The following VPS13B variants were observed in gnomAD, a reference collection of about 807,000 sequenced individuals.
VPS13B encodes the protein vacuolar protein sorting 13 homolog B.
Under a neutral mutation model 426.4 loss-of-function variants are expected in VPS13B, and 285 were observed. That is an observed-to-expected ratio of 0.67 (90% CI 0.61 to 0.74). The LOEUF (loss-of-function observed/expected upper bound fraction) is 0.74, where lower values mean the gene tolerates loss of function less well. VPS13B is among the 30% of genes least tolerant of loss of function. The pLI, the probability that VPS13B is intolerant of heterozygous loss-of-function variation, is 0.00. For synonymous variants in VPS13B, 1,676 were observed against 1,676.4 expected (o/e 1.00, Z 0.01); for missense variants, 4,537 against 4,782.6 (o/e 0.95, Z 1.51).
intron 19 of VPS13B, among the ~76,000 whole-genome samples, chr8:99,333,887 G>A (rs956060780): frequency 3.3e-5 from 5 of 151,978 alleles, no homozygotes; most frequent in Admixed American, 3.3e-4. Context: ...TTTGTCTTGT[G>A]TATATCGGTA....
intron 17 of VPS13B, among the ~76,000 whole-genome samples, chr8:99,245,865 G>GA (rs1178454694): frequency 6.6e-6 from 1 of 152,118 alleles, no homozygotes; most frequent in African/African-American, 2.4e-5. Flanking sequence ...TTTGAGTATA[G>GA]ACAAAGCGGT....
intron 17 of VPS13B, chr8:99,233,822 A>G: frequency 1.3e-6 from 1 of 778,638 alleles, no homozygotes. Flanking sequence ...TTTCAGAGGA[A>G]TCTCTTCGGC....
At chr8:99,287,696 C>A (rs1819521325) in intron 19 of VPS13B, among the ~76,000 whole-genome samples, 1 of 151,720 alleles carries the variant, frequency 6.6e-6, no homozygotes, top group Admixed American at 6.6e-5. Flanking sequence ...AAGTAAGAAG[C>A]ACAAATGATC....
intron 33 of VPS13B, among the ~76,000 whole-genome samples, chr8:99,632,646 G>A (rs747124696): frequency 3.9e-5 from 6 of 151,940 alleles, no homozygotes; most frequent in East Asian, 1.9e-4. Flanking sequence ...GAAGAACAAA[G>A]TATTTGTAAT....
At chr8:99,565,230 T>G (rs1363894367) in intron 31 of VPS13B, among the ~76,000 whole-genome samples, 3 of 152,194 alleles carry the variant, frequency 2.0e-5, no homozygotes, top group African/African-American at 7.2e-5. Flanking sequence ...ATACTTTTAT[T>G]TCTTCCTATC....
chr8:99,493,974 A>G (rs937529064), intron 25 of VPS13B, among the ~76,000 whole-genome samples: 23 of 152,068 alleles, frequency 1.5e-4, no homozygotes, highest in African/African-American at 5.1e-4. Context: ...ATGTATTGAT[A>G]AAATAATACT....
chr8:99,264,723 T>G (rs1460894987), intron 17 of VPS13B, among the ~76,000 whole-genome samples: 3 of 152,202 alleles, frequency 2.0e-5, no homozygotes, highest in Non-Finnish European at 4.4e-5. Flanking sequence ...ATGTGTGTGT[T>G]TTTTTCATTT....
At chr8:99,312,426 CA>C (rs1374229297) in intron 19 of VPS13B, among the ~76,000 whole-genome samples, 35 of 152,260 alleles carry the variant, frequency 2.3e-4, no homozygotes, top group Admixed American at 3.9e-4. Flanking sequence ...CTTCACTTAT[CA>C]AGCTTAGTTT....
chr8:99,386,988 A>G (rs1814159854), intron 20 of VPS13B, among the ~76,000 whole-genome samples: 1 of 152,162 alleles, frequency 6.6e-6, no homozygotes, highest in Non-Finnish European at 1.5e-5. Flanking sequence ...TAAGAATAAA[A>G]GGTAAACTAA....
chr8:99,018,651 A>T lies in VPS13B; in HGVS notation c.147+4716A>T, dbSNP rs530212980. Among the ~76,000 whole-genome samples, 17 of 152,326 alleles carry T rather than the reference A, an allele frequency of 1.1e-4. No homozygotes were observed. In the South Asian group the frequency reaches 3.3e-3, roughly 30 times the overall value. ...TTTTATATAATGTGGAGTAGAGGTC[A>T]TGAGAATAGACATCCTTTTTTGTTT... is the stretch of plus-strand genomic sequence containing the variant. On this transcript the variant is annotated intron_variant, in intron 2 of 61. Coordinates refer to ENST00000357162, the MANE Select transcript of VPS13B (RefSeq NM_152564.5).
chr8:99,872,717 C>G (rs924423431), intron 61 of VPS13B, among the ~76,000 whole-genome samples: 4 of 152,208 alleles, frequency 2.6e-5, no homozygotes, highest in Admixed American at 1.3e-4. Context: ...CTGGCCCTAA[C>G]CTGGGGACTG....
chr8:99,849,328 G>A (rs1359370982), intron 55 of VPS13B, among the ~76,000 whole-genome samples: 1 of 152,016 alleles, frequency 6.6e-6, no homozygotes, highest in African/African-American at 2.4e-5. Context: ...TTAAAAACAT[G>A]AAATAGACAA....
At chr8:99,142,370 A>G (rs1810474709) in intron 12 of VPS13B, among the ~76,000 whole-genome samples, 1 of 152,214 alleles carries the variant, frequency 6.6e-6, no homozygotes, top group Non-Finnish European at 1.5e-5. Context: ...TTAGATAATG[A>G]CACATGCCTA....
At chr8:99,251,102 G>A (rs906682670) in intron 17 of VPS13B, among the ~76,000 whole-genome samples, 1 of 152,088 alleles carries the variant, frequency 6.6e-6, no homozygotes, top group Non-Finnish European at 1.5e-5. Context: ...GTTAAATGCA[G>A]AGACGGACAG....
chr8:99,746,432 C>G (rs139511721), intron 39 of VPS13B, among the ~76,000 whole-genome samples: 153 of 152,184 alleles, frequency 1.0e-3, no homozygotes, highest in African/African-American at 2.7e-3. Flanking sequence ...AGCAATTTCC[C>G]CAACTCACAG....
rs141941874 is a variant in VPS13B, at chr8:99,189,229, G to A, written c.2334-3647G>A. On this transcript the variant is annotated intron_variant, in intron 16 of 61. Coordinates refer to ENST00000357162, the MANE Select transcript of VPS13B (RefSeq NM_152564.5). ...CTCCCAGAGTGCTGGGATTACAGGC[G>A]TGAGCCACCGCGCCCGGCCAAAGTT... Among the ~76,000 whole-genome samples, 1,505 of 152,102 alleles carry A rather than the reference G, an allele frequency of 9.9e-3. 11 individuals carry two copies. Among genetic ancestry groups the A allele is most frequent in the South Asian group, 0.03 (144 of 4,816 alleles).
Position 99,384,287 on chromosome 8 carries a change from T to A in VPS13B, c.2904T>A (p.Pro968=). ...TATATACGTGGCTCATCTATCAGCC[T>A]CAGAAACGAACAAGTAGACATATGC... The part of the protein sequence containing the change: ...PILYTWLIYQ[P]QKRTSRHMQQ... Residue 968 remains proline, a synonymous_variant, in exon 20 of 62, where the codon CCT becomes CCA. Transcript: ENST00000357162. The A allele has an allele frequency of 6.2e-7, 1 of 1,613,936 alleles. No individual in the cohort carries two copies.
At chr8:99,824,903 G>T (rs1221294817) in intron 51 of VPS13B, among the ~76,000 whole-genome samples, 3 of 152,120 alleles carry the variant, frequency 2.0e-5, no homozygotes, top group Non-Finnish European at 2.9e-5. Flanking sequence ...AAAAGGACAT[G>T]AACTCATTCT....
chr8:99,472,298 T>C (rs1356777245), intron 24 of VPS13B, among the ~76,000 whole-genome samples: 1 of 152,028 alleles, frequency 6.6e-6, no homozygotes, highest in Non-Finnish European at 1.5e-5. Flanking sequence ...CCAACAACCG[T>C]AGAATGTGCT....
Sources: gnomAD v4.1 joint callset for allele counts (sites outside exome capture counted in the v4.1 genomes callset) on GRCh38, gnomAD v4.1.1 for gene constraint, MANE v1.5 for transcripts, NCBI Gene and HGNC (gene_info 2026-07-23, HGNC 2026-07-21) for gene names.